PLCE1: variants seen among roughly 807,000 people sequenced by gnomAD.
The protein encoded by PLCE1 is phospholipase C epsilon 1, also known as 1-phosphatidylinositol 4,5-bisphosphate phosphodiesterase epsilon-1.
Under a neutral mutation model 242.8 loss-of-function variants are expected in PLCE1, and 119 were observed. The observed-to-expected ratio is 0.49, with a 90% confidence interval of 0.42 to 0.57. The LOEUF is 0.57. Among genes scored for constraint, PLCE1 ranks in the 20% least tolerant of loss-of-function variants. The probability of loss-of-function intolerance (pLI) is 0.00; values close to 1 mark genes in which losing one functional copy is unlikely to be tolerated. For synonymous variants in PLCE1, 945 were observed against 1,017.4 expected, an observed-to-expected ratio of 0.93 and a Z score of 1.35; for missense variants, 2,441 against 2,788.8, an observed-to-expected ratio of 0.88 and a Z score of 2.81.
intron 26 of PLCE1, among the ~76,000 whole-genome samples, chr10:94,307,935 ATC>A (rs1386133631): frequency 2.0e-5 from 3 of 152,084 alleles, no homozygotes; most frequent in Admixed American, 2.0e-4. Context: ...CCATTTTTCC[ATC>A]TCTCCAACAC....
At chr10:94,019,359 G>A (rs1347121358) in intron 1 of PLCE1, among the ~76,000 whole-genome samples, 3 of 152,168 alleles carry the variant, frequency 2.0e-5, no homozygotes, top group African/African-American at 7.2e-5. Context: ...GTTATGGGGA[G>A]TAAAGTATAC....
chr10:94,103,933 T>A (rs753761768), intron 2 of PLCE1, among the ~76,000 whole-genome samples: 8 of 152,252 alleles, frequency 5.3e-5, no homozygotes, highest in Non-Finnish European at 1.0e-4. Flanking sequence ...AAGAGAAATG[T>A]CATTTTGATT....
intron 23 of PLCE1, among the ~76,000 whole-genome samples, chr10:94,296,935 G>A (rs188098026): frequency 1.1e-4 from 16 of 151,476 alleles, no homozygotes; most frequent in African/African-American, 2.2e-4. Flanking sequence ...GTGCAGTGGC[G>A]CGATCTCAGC....
chr10:94,114,934 C>G lies in PLCE1; in HGVS notation c.1207-17240C>G, dbSNP rs1437145648. Among the ~76,000 whole-genome samples the G allele has an allele frequency of 5.3e-5, 8 of 150,854 alleles. No individual in the cohort carries two copies. In the Middle Eastern group the frequency reaches 0.01, roughly 194 times the overall value. Reference sequence around the variant, plus strand: ...CCTCCCCCCTTCCCCCATCCCACAACAGGCCCCGGTGTGTGATGTCCCCCT... The same window carrying G: ...CCTCCCCCCTTCCCCCATCCCACAAGAGGCCCCGGTGTGTGATGTCCCCCT... On this transcript the variant is annotated intron_variant, in intron 2 of 32. Transcript: ENST00000371380.
chr10:94,166,577 AAGGTGTGTGTGTGTGTGTG>A (rs2136274635), intron 3 of PLCE1, among the ~76,000 whole-genome samples: 1 of 84,850 alleles, frequency 1.2e-5, no homozygotes, highest in African/African-American at 5.3e-5. Flanking sequence ...GAAGAGAAAA[AAGGTGTGTGTGTGTGTGTG>A]TGTGTGTGTG....
At chr10:94,073,819 C>T (rs1043808138) in intron 2 of PLCE1, among the ~76,000 whole-genome samples, 7 of 152,172 alleles carry the variant, frequency 4.6e-5, no homozygotes, top group African/African-American at 7.2e-5. Context: ...AGGCTTTAAT[C>T]GGTGCTGCAA....
At chr10:94,208,607 G>C (rs1448161805) in intron 4 of PLCE1, among the ~76,000 whole-genome samples, 1 of 152,138 alleles carries the variant, frequency 6.6e-6, no homozygotes, top group African/African-American at 2.4e-5. Context: ...GTTGTAAATA[G>C]CCAGGGCCCT....
At chr10:94,222,762 C>A (rs775205192) in intron 4 of PLCE1, among the ~76,000 whole-genome samples, 7 of 152,194 alleles carry the variant, frequency 4.6e-5, no homozygotes, top group Non-Finnish European at 1.0e-4. Flanking sequence ...CCACACATCA[C>A]CCCCACCCCC....
chr10:94,082,316 C>T (rs954819900), intron 2 of PLCE1: 2 of 152,204 alleles, frequency 1.3e-5, no homozygotes, highest in Admixed American at 6.6e-5. Flanking sequence ...TTGGCCACCA[C>T]ATAATCCTAA....
intron 22 of PLCE1, 40 bp from the exon 23 acceptor site, chr10:94,293,468 T>C: frequency 1.2e-6 from 2 of 1,606,348 alleles, no homozygotes; most frequent in Non-Finnish European, 1.7e-6. Flanking sequence ...TTGCCTTGCT[T>C]GTAGTTTTTG....
At chr10:94,102,348 A>T (rs1399445435) in intron 2 of PLCE1, among the ~76,000 whole-genome samples, 1 of 152,216 alleles carries the variant, frequency 6.6e-6, no homozygotes, top group Non-Finnish European at 1.5e-5. Context: ...ACATAGTCTA[A>T]GTTGTGTTTT....
intron 4 of PLCE1, among the ~76,000 whole-genome samples, chr10:94,191,037 A>C (rs1015807374): frequency 6.6e-6 from 1 of 152,198 alleles, no homozygotes; most frequent in Admixed American, 6.5e-5. Flanking sequence ...ATCACAAGAG[A>C]ATCAGGCAAG....
chr10:94,219,827 T>C (rs1202416193), intron 4 of PLCE1, among the ~76,000 whole-genome samples: 1 of 152,166 alleles, frequency 6.6e-6, no homozygotes, highest in Non-Finnish European at 1.5e-5. Context: ...GTGCCATCCT[T>C]GAAAGCCAAA....
intron 2 of PLCE1, among the ~76,000 whole-genome samples, chr10:94,055,241 T>A (rs1387098696): frequency 1.3e-5 from 2 of 151,460 alleles, no homozygotes; most frequent in East Asian, 3.9e-4. Flanking sequence ...CTAATAATAA[T>A]TATATATATT....
At chr10:94,293,804 C>T (rs900296993) in intron 23 of PLCE1, among the ~76,000 whole-genome samples, 165 bp downstream of exon 23, 1 of 152,134 alleles carries the variant, frequency 6.6e-6, no homozygotes, top group East Asian at 1.9e-4. Context: ...ACACTTTTAA[C>T]GTACTAAAAA....
At chr10:94,142,147 C>G (rs1031552771) in intron 3 of PLCE1, among the ~76,000 whole-genome samples, 1 of 152,084 alleles carries the variant, frequency 6.6e-6, no homozygotes, top group African/African-American at 2.4e-5. Context: ...TACCTCTAGG[C>G]TTTAGTTTCT....
intron 2 of PLCE1, among the ~76,000 whole-genome samples, chr10:94,124,530 TG>T (rs2046387306): frequency 6.6e-6 from 1 of 152,162 alleles, no homozygotes; most frequent in African/African-American, 2.4e-5. Context: ...GAGTAGGTTA[TG>T]AGGAAGAGGG....
chr10:94,178,257 G>C (rs771295275), intron 4 of PLCE1, among the ~76,000 whole-genome samples: 1 of 152,152 alleles, frequency 6.6e-6, no homozygotes, highest in Non-Finnish European at 1.5e-5. Flanking sequence ...GTTTTTGCTT[G>C]TTGGGTGGTT....
chr10:94,116,390 C>A (rs897139522), intron 2 of PLCE1, among the ~76,000 whole-genome samples: 14 of 152,196 alleles, frequency 9.2e-5, no homozygotes, highest in Non-Finnish European at 1.9e-4. Flanking sequence ...GTTGCCAAGT[C>A]TGCCTTAAGA....
Sources: allele counts gnomAD v4.1 joint callset (sites outside exome capture counted in the v4.1 genomes callset), GRCh38; gene constraint gnomAD v4.1.1; transcripts MANE v1.5; gene names NCBI Gene and HGNC (gene_info 2026-07-23, HGNC 2026-07-21).